The following UBR4 variants were observed in gnomAD, a reference collection of about 807,000 sequenced individuals.
The protein encoded by UBR4 is ubiquitin protein ligase E3 component n-recognin 4, also known as E3 ubiquitin-protein ligase UBR4.
UBR4 carries 124 observed loss-of-function variants against 575.6 expected under a neutral mutation model. The observed-to-expected ratio is 0.22, with a 90% confidence interval of 0.19 to 0.25. The LOEUF (loss-of-function observed/expected upper bound fraction) is 0.25. Among genes scored for constraint, UBR4 ranks in the 10% least tolerant of loss-of-function variants. The probability of loss-of-function intolerance (pLI) is 1.00; values close to 1 mark genes in which losing one functional copy is unlikely to be tolerated. For missense variants in UBR4, 4,818 were observed against 6,478.8 expected, an observed-to-expected ratio of 0.74 and a Z score of 8.80; for synonymous variants, 2,455 against 2,473.7, an observed-to-expected ratio of 0.99 and a Z score of 0.22.
intron 100 of UBR4, 61 bp downstream of exon 100, chr1:19,086,617 AC>A: frequency 6.3e-7 from 1 of 1,593,818 alleles, no homozygotes; most frequent in Non-Finnish European, 8.6e-7. Flanking sequence ...TGGCAGTCCC[AC>A]CCGCTCCAGG....
chr1:19,085,792 C>T (rs2076956060), intron 101 of UBR4, among the ~76,000 whole-genome samples: 1 of 152,198 alleles, frequency 6.6e-6, no homozygotes, highest in East Asian at 1.9e-4. Context: ...GAGCCACACA[C>T]TGTAGAAGTG....
chr1:19,184,293 G>C, intron 15 of UBR4, 118 bp from the exon 16 acceptor site: 1 of 1,090,698 alleles, frequency 9.2e-7, no homozygotes, highest in Non-Finnish European at 1.3e-6. Context: ...TAAACACAAT[G>C]AATGAAAGAA....
chr1:19,126,033 C>T (rs2149575828), intron 64 of UBR4, among the ~76,000 whole-genome samples: 1 of 152,268 alleles, frequency 6.6e-6, no homozygotes, highest in South Asian at 2.1e-4. Flanking sequence ...AGTAAGAACA[C>T]AAGATGGGAC....
chr1:19,142,092 A>C (rs1335275197), intron 55 of UBR4, among the ~76,000 whole-genome samples: 1 of 152,136 alleles, frequency 6.6e-6, no homozygotes, highest in African/African-American at 2.4e-5. Context: ...GGCCTCCCAA[A>C]CTCACGCTAA....
At chr1:19,193,113 A>C (rs751365887) in intron 9 of UBR4, among the ~76,000 whole-genome samples, 2 of 152,106 alleles carry the variant, frequency 1.3e-5, no homozygotes, top group Non-Finnish European at 2.9e-5. Context: ...GTTTCAGCGC[A>C]CTTAATCACT....
In UBR4 at chr1:19,161,582, C is replaced by T; in HGVS notation, c.5175+7G>A. ...CACCCTTTATAGCTCAGGGAGGGTCCTCTCACCAAACAGCTGCCATCTTCC... is the reference window on the plus strand; with the variant it reads ...CACCCTTTATAGCTCAGGGAGGGTCTTCTCACCAAACAGCTGCCATCTTCC... On this transcript the variant is annotated splice_region_variant and intron_variant, in intron 37 of 105. Transcript: ENST00000375254. 1 of 1,597,512 alleles carries T rather than the reference C, an allele frequency of 6.3e-7. No homozygotes were observed. The highest frequency in any genetic ancestry group is 8.5e-7 in the Non-Finnish European group (1 of 1,172,440).
At chr1:19,143,167 G>A (rs1460224511) in intron 55 of UBR4, among the ~76,000 whole-genome samples, 1 of 146,000 alleles carries the variant, frequency 6.8e-6, no homozygotes, top group Non-Finnish European at 1.5e-5. Flanking sequence ...GAAAGGAAAG[G>A]AAGGAAGGAA....
In UBR4 at chr1:19,093,655, CTA is replaced by C. The variant is rs774599549; in HGVS notation, c.13938-171_13938-170del. Among the ~76,000 whole-genome samples, 1 of 152,240 alleles carries C rather than the reference CTA, an allele frequency of 6.6e-6. No homozygotes were observed. Among genetic ancestry groups the C allele is most frequent in the South Asian group, 2.1e-4 (1 of 4,832 alleles). On this transcript the variant is annotated intron_variant, in intron 95 of 105. Transcript: ENST00000375254. The surrounding 1 kb of genome is among the most constrained non-coding windows in gnomAD (Gnocchi z 4.8). ...TCCTGCCACTCTCCCTGTTTACCTGCTATGTCTCCCACGCTCACAGCCTTCTC... is the reference window on the plus strand; with the variant it reads ...TCCTGCCACTCTCCCTGTTTACCTGCTGTCTCCCACGCTCACAGCCTTCTC...
intron 60 of UBR4, 112 bp from the exon 61 acceptor site, chr1:19,129,186 T>C (rs2082149652): frequency 1.2e-6 from 1 of 822,398 alleles, no homozygotes; most frequent in Admixed American, 2.5e-5. Context: ...AGAAGCCTAA[T>C]GCTTAGGAAC....
chr1:19,161,952 C>T, intron 35 of UBR4, 55 bp from the exon 36 acceptor site: 1 of 1,594,562 alleles, frequency 6.3e-7, no homozygotes, highest in South Asian at 1.1e-5. Context: ...TATAAACACC[C>T]ACAAAAACAC....
intron 44 of UBR4, 134 bp downstream of exon 44, chr1:19,154,784 G>A: frequency 1.6e-6 from 2 of 1,263,638 alleles, no homozygotes; most frequent in Non-Finnish European, 2.2e-6. Context: ...AAGATACCTA[G>A]CAGGGGAGAA....
intron 105 of UBR4, 95 bp downstream of exon 105, chr1:19,076,645 C>T: frequency 1.9e-6 from 3 of 1,553,124 alleles, no homozygotes; most frequent in Non-Finnish European, 2.7e-6. Context: ...ACTGCGTTTC[C>T]TCTGGTCGTG....
In UBR4 at chr1:19,156,351, T is replaced by C. The variant is rs1490724151; in HGVS notation, c.5992A>G (p.Thr1998Ala). ...ACGGCTTTGATGATGAAGTTCCCCG[T>C]TGCCAACTGAGGGTGCAAAACCAAG... ...DHLVLHPQLA[T>A]GNFIIKAVWL... Residue 1998 changes from threonine (T) to alanine (A), a missense_variant, in exon 42 of 106, where the codon ACG (threonine) becomes GCG (alanine). Transcript: ENST00000375254. 1.2e-6 allele frequency: 2 copies of C among 1,614,170 alleles called. No homozygotes were observed. The highest frequency in any genetic ancestry group is 1.3e-5 in the African/African-American group (1 of 75,050).
At chr1:19,105,697 T>C (rs2079115565) in intron 84 of UBR4, 36 bp downstream of exon 84, 1 of 1,496,540 alleles carries the variant, frequency 6.7e-7, no homozygotes, top group Non-Finnish European at 9.0e-7. Flanking sequence ...CTAGAGCAAG[T>C]CTAACCACGC....
At position 19,147,976 on chromosome 1, in the gene UBR4, C is replaced by T. The variant is rs921756320; in HGVS notation, c.7629+17G>A. The T allele has an allele frequency of 1.9e-6, 3 of 1,607,512 alleles. No individual in the cohort carries two copies. Among genetic ancestry groups the T allele is most frequent in the South Asian group, 1.1e-5 (1 of 90,624 alleles). On this transcript the variant is annotated intron_variant, in intron 51 of 105. Coordinates refer to ENST00000375254, the MANE Select transcript of UBR4 (RefSeq NM_020765.3). ...CCTGTCAGCACTGCAATTTCCTTTC[C>T]CTGAGAGAACAGTTACCTTGTGGCT...
chr1:19,112,536 C>T lies in UBR4; in HGVS notation c.11789G>A (p.Cys3930Tyr). The T allele has an allele frequency of 6.2e-7, 1 of 1,610,718 alleles. No homozygotes were observed. Among genetic ancestry groups the T allele is most frequent in the Non-Finnish European group, 8.5e-7 (1 of 1,178,144 alleles). The change falls in exon 78 of 106, where the codon TGC becomes TAC. Residue 3930 changes from cysteine (C) to tyrosine (Y), a missense_variant. Around this residue, in one of 29 missense-constraint regions of UBR4, gnomAD observed 333 missense variants for 459.2 expected, o/e 0.73. Transcript: ENST00000375254. ...TGTAGGTACTGACCGAGTTAGGAGG[C>T]ACATGAGCTGGCGGACCTCCTCCCG... ...AMREEVRQLM[C>Y]LLTRDNPEAT... is the part of the protein sequence containing the mutation.
chr1:19,105,068 C>T lies in UBR4; in HGVS notation c.12625G>A (p.Val4209Met), dbSNP rs370596697. Residue 4209 changes from valine to methionine, a missense_variant, in exon 85 of 106, where the codon GTG (valine) becomes ATG (methionine). Val to Met is a conservative substitution (Grantham distance 21). Around this residue, in one of 29 missense-constraint regions of UBR4, gnomAD observed 178 missense variants for 175.5 expected, o/e 1.01. Coordinates refer to ENST00000375254, the MANE Select transcript of UBR4 (RefSeq NM_020765.3). ...GATACCTTGGTGATGAGGTTGCCCACATAGGGTAGGACTCCCCGAGCTGCC... is the reference window on the plus strand; with the variant it reads ...GATACCTTGGTGATGAGGTTGCCCATATAGGGTAGGACTCCCCGAGCTGCC... ...YLAARGVLPY[V>M]GNLITKEIAR... 10 of 1,613,818 alleles carry T rather than the reference C, an allele frequency of 6.2e-6. No individual in the cohort carries two copies. The African/African-American group carries it at 1.1e-4, about 17-fold the overall frequency.
At chr1:19,077,689 C>CT in intron 104 of UBR4, 2 of 1,194,586 alleles carry the variant, frequency 1.7e-6, no homozygotes, top group South Asian at 2.6e-5. Context: ...GCCGAGATCA[C>CT]GCCATTGCAC....
intron 17 of UBR4, among the ~76,000 whole-genome samples, chr1:19,182,827 A>T (rs1358511628): frequency 6.6e-6 from 1 of 152,246 alleles, no homozygotes; most frequent in East Asian, 1.9e-4. Context: ...TGAAAACATT[A>T]CATACAGCAT....
Sources: allele counts gnomAD v4.1 joint callset (sites outside exome capture counted in the v4.1 genomes callset), GRCh38; gene constraint gnomAD v4.1.1; regional missense constraint gnomAD v4.1.1; non-coding constraint Gnocchi (gnomAD v3.1); transcripts MANE v1.5; gene names NCBI Gene and HGNC (gene_info 2026-07-23, HGNC 2026-07-21).